TRIM24: variants seen among roughly 807,000 people sequenced by gnomAD.
TRIM24 encodes transcription intermediary factor 1-alpha.
Under a neutral mutation model 123.9 loss-of-function variants are expected in TRIM24, and 29 were observed. The ratio of observed to expected loss-of-function variants is 0.23; its 90% CI spans 0.17 to 0.32. The LOEUF (loss-of-function observed/expected upper bound fraction) is 0.32, where lower values mean the gene tolerates loss of function less well. TRIM24 is among the 10% of genes least tolerant of loss of function. TRIM24 has a pLI of 1.00. For synonymous variants in TRIM24, 456 were observed against 461.1 expected (o/e 0.99, Z 0.14); for missense variants, 932 against 1,295.3 (o/e 0.72, Z 4.31).
chr7:138,585,728 T>C lies in TRIM24; in HGVS notation c.*777T>C. ...GGGAAGTATATACATTTGGGTTTGCTGTGTGTCTATGTGAGGTTTAATTGT... is the reference window on the plus strand; with the variant it reads ...GGGAAGTATATACATTTGGGTTTGCCGTGTGTCTATGTGAGGTTTAATTGT... On this transcript the variant is annotated 3_prime_UTR_variant, in exon 19 of 19. Transcript: ENST00000343526. 1 of 487,878 alleles carries C rather than the reference T, an allele frequency of 2.0e-6. No homozygotes were observed. The highest frequency in any genetic ancestry group is 1.6e-5 in the South Asian group (1 of 64,046). The allele number at this position is 487,878 out of a possible 1,614,324, so 30.2% of individuals were successfully genotyped here.
At chr7:138,561,166 G>T (rs550808700) in intron 9 of TRIM24, among the ~76,000 whole-genome samples, 1 of 152,208 alleles carries the variant, frequency 6.6e-6, no homozygotes, top group African/African-American at 2.4e-5. Flanking sequence ...GGGCTATTAG[G>T]TCTGCTTTTT....
chr7:138,506,933 GT>G (rs1414033629), intron 2 of TRIM24, among the ~76,000 whole-genome samples: 2 of 152,156 alleles, frequency 1.3e-5, no homozygotes. Context: ...AGGAAAGGAA[GT>G]TACCACCCAG....
At chr7:138,489,370 G>C (rs1451185385) in intron 1 of TRIM24, among the ~76,000 whole-genome samples, 1 of 152,278 alleles carries the variant, frequency 6.6e-6, no homozygotes, top group East Asian at 1.9e-4. Flanking sequence ...ATTGTTATGT[G>C]TGAATTTGAT....
intron 1 of TRIM24, among the ~76,000 whole-genome samples, chr7:138,484,041 C>G (rs1795591424): frequency 6.6e-6 from 1 of 151,988 alleles, no homozygotes; most frequent in African/African-American, 2.4e-5. Context: ...AGGCCATATA[C>G]CTCCCCATTT....
chr7:138,460,519 C>T lies in TRIM24; in HGVS notation c.-30C>T, dbSNP rs745363753. 2 of 1,262,154 alleles carry T rather than the reference C, an allele frequency of 1.6e-6. No homozygotes were observed. Among genetic ancestry groups the T allele is most frequent in the Non-Finnish European group, 2.0e-6 (2 of 1,008,728 alleles). The allele number at this position is 1,262,154 out of a possible 1,614,324, so 78.2% of individuals were successfully genotyped here. ...GGGCGGCGGGCGGAGACCGCGCTCT[C>T]GCTTCCCCGGCGGCGGCAAGGGCAG... On this transcript the variant is annotated 5_prime_UTR_variant, in exon 1 of 19. Coordinates refer to ENST00000343526, the MANE Select transcript of TRIM24 (RefSeq NM_015905.3).
At chr7:138,465,723 A>G (rs1043118067) in intron 1 of TRIM24, among the ~76,000 whole-genome samples, 8 of 152,176 alleles carry the variant, frequency 5.3e-5, no homozygotes, top group African/African-American at 1.9e-4. Context: ...GTTACCTGTC[A>G]GTCCTATATA....
At chr7:138,497,729 C>T (rs1795944273) in intron 1 of TRIM24, among the ~76,000 whole-genome samples, 1 of 152,104 alleles carries the variant, frequency 6.6e-6, no homozygotes, top group Non-Finnish European at 1.5e-5. Context: ...CTGGCTCTGT[C>T]ACCCAGGCTG....
In TRIM24 at chr7:138,525,298, C is replaced by G. The variant is rs924913053; in HGVS notation, c.822C>G (p.Ile274Met). Reference protein sequence around the residue: ...QNQKVIIDTLITKLMEKTKYI... With the variant: ...QNQKVIIDTLMTKLMEKTKYI... ...AGAAAGTGATCATAGATACACTAATCACCAAACTGATGGAAAAAACAAAAT... is the reference window on the plus strand; with the variant it reads ...AGAAAGTGATCATAGATACACTAATGACCAAACTGATGGAAAAAACAAAAT... The change falls in exon 5 of 19, where the codon ATC becomes ATG. Residue 274 changes from isoleucine to methionine, a missense_variant. Around this residue, in one of 7 missense-constraint regions of TRIM24, gnomAD observed 527 missense variants for 691.3 expected, o/e 0.76. Transcript: ENST00000343526. 5 of 1,519,334 alleles carry G rather than the reference C, an allele frequency of 3.3e-6. No homozygotes were observed. In the African/African-American group the frequency reaches 7.1e-5, roughly 22 times the overall value. 94.1% of individuals were successfully genotyped at this position (1,519,334 alleles called of 1,614,324 possible). A position where few individuals can be genotyped will look rare whatever the true frequency, so the allele number is the denominator to read the frequency against.
intron 6 of TRIM24, among the ~76,000 whole-genome samples, chr7:138,532,697 C>A (rs565478031): frequency 6.6e-6 from 1 of 152,278 alleles, no homozygotes; most frequent in East Asian, 1.9e-4. Flanking sequence ...GCAATGCGGG[C>A]TCTTTTTTGG....
intron 1 of TRIM24, among the ~76,000 whole-genome samples, chr7:138,484,408 C>T (rs1476384937): frequency 7.3e-6 from 1 of 136,220 alleles, no homozygotes; most frequent in Non-Finnish European, 1.6e-5. Context: ...CACGCCTGGC[C>T]TTAGATTTTT....
In TRIM24 at chr7:138,519,324, A is replaced by G. The variant is rs1220228377; in HGVS notation, c.764+3A>G. 1.2e-6 allele frequency: 2 copies of G among 1,600,096 alleles called. No homozygotes were observed. Among genetic ancestry groups the G allele is most frequent in the African/African-American group, 1.3e-5 (1 of 74,102 alleles). ...TTGTTAGAACATAAAGAGCATAGGT[A>G]CCAGCATCTTTGGTTATATATATAG... is the stretch of plus-strand genomic sequence containing the variant. On this transcript the variant is annotated splice_donor_region_variant and intron_variant, in intron 4 of 18. Coordinates refer to ENST00000343526, the MANE Select transcript of TRIM24 (RefSeq NM_015905.3).
In TRIM24 at chr7:138,536,812, G is replaced by C. The variant is rs534085938; in HGVS notation, c.997-1845G>C. Among the ~76,000 whole-genome samples, 10 of 152,364 alleles carry C rather than the reference G, an allele frequency of 6.6e-5. No homozygotes were observed. The South Asian group carries it at 1.9e-3, about 28-fold the overall frequency. Reference sequence around the variant, plus strand: ...TGTTTGGCTATGCCCTGCCCCCAGAGGTGGCGTCTGCAGAGGCACGCAGGC... The same window carrying C: ...TGTTTGGCTATGCCCTGCCCCCAGACGTGGCGTCTGCAGAGGCACGCAGGC... On this transcript the variant is annotated intron_variant, in intron 6 of 18. Transcript: ENST00000343526.
At chr7:138,507,098 C>A in intron 2 of TRIM24, among the ~76,000 whole-genome samples, 1 of 152,062 alleles carries the variant, frequency 6.6e-6, no homozygotes, top group East Asian at 1.9e-4. Context: ...GCCTGTGAGA[C>A]TGTAAAGTAG....
chr7:138,502,469 A>G (rs916278514), intron 1 of TRIM24, among the ~76,000 whole-genome samples: 3 of 152,234 alleles, frequency 2.0e-5, no homozygotes, highest in Non-Finnish European at 2.9e-5. Context: ...TTACAGAGCA[A>G]TCAATGAAGA....
rs943365399 is a variant in TRIM24 at position 138,492,185 on chromosome 7, A to G, written c.365-12105A>G. On this transcript the variant is annotated intron_variant, in intron 1 of 18. Transcript: ENST00000343526. ...TACTCAGGAGGCTGAGGCAAGAGGA[A>G]CACTTGAGCCTAGGAGGTGGAGGCT... is the stretch of plus-strand genomic sequence containing the variant. 4.7e-5 allele frequency among the ~76,000 whole-genome samples: 7 copies of G among 147,560 alleles called. No homozygotes were observed. In the South Asian group the frequency reaches 1.5e-3, roughly 32 times the overall value.
At chr7:138,546,091 T>C (rs1044951091) in intron 7 of TRIM24, among the ~76,000 whole-genome samples, 2 of 152,010 alleles carry the variant, frequency 1.3e-5, no homozygotes, top group African/African-American at 2.4e-5. Flanking sequence ...GGGAACAGAG[T>C]ATTAGTAGAA....
At chr7:138,516,542 A>G (rs1417065240) in intron 3 of TRIM24, among the ~76,000 whole-genome samples, 3 of 152,086 alleles carry the variant, frequency 2.0e-5, no homozygotes, top group Non-Finnish European at 2.9e-5. Flanking sequence ...TTTAGTAGAC[A>G]CAGGGTTTTA....
At chr7:138,547,138 G>A (rs1017140600) in intron 7 of TRIM24, among the ~76,000 whole-genome samples, 1 of 152,168 alleles carries the variant, frequency 6.6e-6, no homozygotes, top group Non-Finnish European at 1.5e-5. Flanking sequence ...CAACAACATA[G>A]ATGAACCTGG....
chr7:138,490,726 C>G, intron 1 of TRIM24: 2 of 478,922 alleles, frequency 4.2e-6, no homozygotes, highest in Admixed American at 2.3e-5. Flanking sequence ...AGCATTTTTA[C>G]TTTTCTACTG....
Sources: allele counts gnomAD v4.1 joint callset (sites outside exome capture counted in the v4.1 genomes callset), GRCh38; gene constraint gnomAD v4.1.1; regional missense constraint gnomAD v4.1.1; transcripts MANE v1.5; gene names NCBI Gene and HGNC (gene_info 2026-07-23, HGNC 2026-07-21).